The following SAMSN1 variants were observed in gnomAD, a reference collection of about 807,000 sequenced individuals.
SAMSN1 encodes the protein SAM domain-containing protein SAMSN-1.
In SAMSN1, 31 loss-of-function variants were observed where a neutral mutation model predicts 42.0. That is an observed-to-expected ratio of 0.74 (90% CI 0.55 to 1.00). SAMSN1 has a LOEUF of 1.00. SAMSN1 is among the 50% of genes least tolerant of loss of function. The pLI, the probability that SAMSN1 is intolerant of heterozygous loss-of-function variation, is 0.00. For missense variants in SAMSN1, 464 were observed against 439.4 expected, an observed-to-expected ratio of 1.06 and a Z score of -0.50; for synonymous variants, 178 against 151.9, an observed-to-expected ratio of 1.17 and a Z score of -1.26.
chr21:14,534,070 AT>A (rs1979439079), intron 1 of SAMSN1, among the ~76,000 whole-genome samples: 1 of 152,138 alleles, frequency 6.6e-6, no homozygotes, highest in African/African-American at 2.4e-5. Flanking sequence ...ACAATGTGTG[AT>A]TATTTTGATT....
chr21:14,648,569 A>G (rs1983765415), intron 1 of SAMSN1, among the ~76,000 whole-genome samples: 1 of 152,204 alleles, frequency 6.6e-6, no homozygotes, highest in Non-Finnish European at 1.5e-5. Flanking sequence ...AAACAAATTT[A>G]CAAGAATAAA....
intron 7 of SAMSN1, among the ~76,000 whole-genome samples, chr21:14,490,850 A>G (rs894390573): frequency 2.6e-5 from 4 of 152,072 alleles, no homozygotes; most frequent in Non-Finnish European, 5.9e-5. Context: ...TTTCGCTTTC[A>G]GCTAGGGCAA....
chr21:14,552,324 T>G (rs1980625310), intron 2 of SAMSN1, among the ~76,000 whole-genome samples: 1 of 152,088 alleles, frequency 6.6e-6, no homozygotes, highest in African/African-American at 2.4e-5. Context: ...TTCTATGAAG[T>G]TCCTTGGTCT....
chr21:14,489,798 C>A (rs1986603830), intron 7 of SAMSN1, among the ~76,000 whole-genome samples: 1 of 152,042 alleles, frequency 6.6e-6, no homozygotes, highest in African/African-American at 2.4e-5. Flanking sequence ...CATGTAAAAA[C>A]ATTTTAAGAT....
intron 2 of SAMSN1, among the ~76,000 whole-genome samples, chr21:14,577,681 A>G (rs1256448329): frequency 1.3e-5 from 2 of 152,088 alleles, no homozygotes; most frequent in Admixed American, 6.5e-5. Flanking sequence ...GATTTGAAAC[A>G]CTTGGCTTCA....
At chr21:14,539,903 A>G (rs1330882168) in intron 1 of SAMSN1, among the ~76,000 whole-genome samples, 5 of 152,174 alleles carry the variant, frequency 3.3e-5, no homozygotes, top group East Asian at 3.9e-4. Flanking sequence ...ATACTACAAG[A>G]CTACAGTAAC....
intron 2 of SAMSN1, among the ~76,000 whole-genome samples, chr21:14,625,771 A>G (rs1282591154): frequency 6.6e-6 from 1 of 152,220 alleles, no homozygotes; most frequent in African/African-American, 2.4e-5. Flanking sequence ...AGAATTGGAA[A>G]AAACTACTTT....
chr21:14,552,071 A>T (rs923186569), intron 2 of SAMSN1, among the ~76,000 whole-genome samples: 55 of 152,218 alleles, frequency 3.6e-4, no homozygotes, highest in African/African-American at 1.3e-3. Context: ...GTGTAAAAAA[A>T]TTTGAAACCA....
chr21:14,567,823 T>C (rs1056803703), intron 2 of SAMSN1, among the ~76,000 whole-genome samples: 1 of 152,154 alleles, frequency 6.6e-6, no homozygotes, highest in Non-Finnish European at 1.5e-5. Flanking sequence ...CGGTGCCCTG[T>C]TGCCTCTCAT....
chr21:14,532,706 G>A (rs1979344215), intron 1 of SAMSN1, among the ~76,000 whole-genome samples: 1 of 151,952 alleles, frequency 6.6e-6, no homozygotes. Context: ...TGTTTTATTG[G>A]TAATGACTTT....
At chr21:14,547,038 T>C (rs958427096), upstream of SAMSN1, among the ~76,000 whole-genome samples, 1 of 152,122 alleles carries the variant, frequency 6.6e-6, no homozygotes, top group African/African-American at 2.4e-5. Flanking sequence ...AAATAAACAA[T>C]GTTAGAAGAT....
chr21:14,527,758 A>AC (rs1470317782), intron 1 of SAMSN1, among the ~76,000 whole-genome samples: 1 of 116,790 alleles, frequency 8.6e-6, no homozygotes, highest in Non-Finnish European at 1.9e-5. Context: ...AGAAACTAGA[A>AC]CTAAAAAAAA....
chr21:14,557,068 C>T (rs200125391), intron 2 of SAMSN1, among the ~76,000 whole-genome samples: 1 of 152,130 alleles, frequency 6.6e-6, no homozygotes, highest in South Asian at 2.1e-4. Flanking sequence ...CCTGGAGTGG[C>T]CCCTGCAAGC....
chr21:14,572,764 C>T lies in SAMSN1; in HGVS notation c.261+9372G>A, dbSNP rs570832723. Among the ~76,000 whole-genome samples, 4 of 152,256 alleles carry T rather than the reference C, an allele frequency of 2.6e-5. No individual in the cohort carries two copies. In the South Asian group the frequency reaches 6.2e-4, roughly 24 times the overall value. Reference sequence around the variant, plus strand: ...TTCACATCCAAGGTGTCATTTCATACTGCAAGCTGGGAGCTGATGTCTCCA... The same window carrying T: ...TTCACATCCAAGGTGTCATTTCATATTGCAAGCTGGGAGCTGATGTCTCCA... On this transcript the variant is annotated intron_variant, in intron 2 of 8. Transcript: ENST00000285670.
At chr21:14,534,897 CCTACTGCT>C (rs1460282145) in intron 1 of SAMSN1, among the ~76,000 whole-genome samples, 1 of 152,156 alleles carries the variant, frequency 6.6e-6, no homozygotes, top group Non-Finnish European at 1.5e-5. Flanking sequence ...GTTCACGTTA[CCTACTGCT>C]CTGCTAGACT....
At chr21:14,493,107 G>A (rs1020644553) in intron 7 of SAMSN1, among the ~76,000 whole-genome samples, 6 of 152,068 alleles carry the variant, frequency 3.9e-5, no homozygotes, top group African/African-American at 4.8e-5. Context: ...GCCCTGCATC[G>A]ACTTGGGCAG....
At chr21:14,501,747 A>G (rs1281210317) in intron 5 of SAMSN1, among the ~76,000 whole-genome samples, 2 of 152,202 alleles carry the variant, frequency 1.3e-5, no homozygotes, top group Non-Finnish European at 2.9e-5. Context: ...AATTCTTTTT[A>G]AGGTATTCAT....
intron 2 of SAMSN1, among the ~76,000 whole-genome samples, chr21:14,616,322 AC>A (rs1160455649): frequency 3.9e-5 from 6 of 151,996 alleles, no homozygotes; most frequent in South Asian, 4.1e-4. Flanking sequence ...TTAAAAAAAA[AC>A]AACAGGTCTT....
chr21:14,486,880 A>C (rs1196647212), intron 7 of SAMSN1, among the ~76,000 whole-genome samples: 1 of 152,198 alleles, frequency 6.6e-6, no homozygotes, highest in Admixed American at 6.6e-5. Flanking sequence ...TTTTAGAAAA[A>C]GATTACTATT....
Sources: gnomAD v4.1 joint callset for allele counts (sites outside exome capture counted in the v4.1 genomes callset) on GRCh38, gnomAD v4.1.1 for gene constraint, MANE v1.5 for transcripts, NCBI Gene and HGNC (gene_info 2026-07-23, HGNC 2026-07-21) for gene names.